AP3M2: variants seen among roughly 807,000 people sequenced by gnomAD.
The protein encoded by AP3M2 is adaptor related protein complex 3 subunit mu 2.
Under a neutral mutation model 41.6 loss-of-function variants are expected in AP3M2, and 28 were observed. The observed-to-expected ratio is 0.67, with a 90% CI of 0.50 to 0.92. AP3M2 has a LOEUF of 0.92. Among genes scored for constraint, AP3M2 ranks in the 40% least tolerant of loss-of-function variants. The pLI, the probability that AP3M2 is intolerant of heterozygous loss-of-function variation, is 0.00. For synonymous variants in AP3M2, 193 were observed against 186.4 expected, an observed-to-expected ratio of 1.04 and a Z score of -0.29; for missense variants, 427 against 521.4, an observed-to-expected ratio of 0.82 and a Z score of 1.76.
At chr8:42,158,843 G>T (rs1258209746) in intron 3 of AP3M2, among the ~76,000 whole-genome samples, 1 of 151,322 alleles carries the variant, frequency 6.6e-6, no homozygotes, top group South Asian at 2.1e-4. Context: ...GCCCAGGATG[G>T]AGTGCAGTGG....
intron 2 of AP3M2, among the ~76,000 whole-genome samples, chr8:42,157,415 A>G (rs905326091): frequency 1.3e-5 from 2 of 152,238 alleles, no homozygotes; most frequent in African/African-American, 4.8e-5. Flanking sequence ...AAATAAAAGG[A>G]CAAAGAGTTC....
intron 3 of AP3M2, 101 bp downstream of exon 3, chr8:42,158,213 C>G: frequency 8.3e-7 from 1 of 1,204,354 alleles, no homozygotes; most frequent in South Asian, 1.5e-5. Context: ...TTGGGGATCT[C>G]AGGTGTCCCA....
rs530052107 is a variant in AP3M2, at chr8:42,159,713, A to G, written c.445+1601A>G. On this transcript the variant is annotated intron_variant, in intron 3 of 8. Transcript: ENST00000396926. The stretch of plus-strand genomic sequence containing the variant: ...GCCACATTTTAAATGTTTTGATTTA[A>G]TCAAATTAATCATTCTTTTCATTAA... 2.4e-4 allele frequency among the ~76,000 whole-genome samples: 37 copies of G among 152,300 alleles called. 1 individual carries two copies. In the South Asian group the frequency reaches 7.7e-3, roughly 32 times the overall value.
chr8:42,163,855 TACATTTTACTGTTTACCTCA>T (rs1357306041), intron 4 of AP3M2, among the ~76,000 whole-genome samples: 3 of 152,212 alleles, frequency 2.0e-5, no homozygotes, highest in African/African-American at 4.8e-5. Flanking sequence ...TTAAGATTTT[TACATTTTACTGTTTACCTCA>T]ACGAAAAAGT....
At chr8:42,156,313 C>T (rs988441837) in intron 2 of AP3M2, among the ~76,000 whole-genome samples, 2 of 152,174 alleles carry the variant, frequency 1.3e-5, no homozygotes, top group African/African-American at 4.8e-5. Flanking sequence ...TCTGAGACTT[C>T]AGAGCTTGTT....
At chr8:42,167,506 T>C in intron 7 of AP3M2, 135 bp downstream of exon 7, 1 of 1,356,624 alleles carries the variant, frequency 7.4e-7, no homozygotes, top group Non-Finnish European at 1.0e-6. Flanking sequence ...CCAGGTAACT[T>C]AACAGTAACA....
chr8:42,164,516 AAG>A (rs1404338634), intron 4 of AP3M2, among the ~76,000 whole-genome samples: 1 of 152,212 alleles, frequency 6.6e-6, no homozygotes, highest in Non-Finnish European at 1.5e-5. Context: ...TGTGCAAAGA[AAG>A]AGAACCTGCC....
intron 3 of AP3M2, among the ~76,000 whole-genome samples, chr8:42,159,769 T>C (rs1263591586): frequency 6.6e-6 from 1 of 152,206 alleles, no homozygotes; most frequent in African/African-American, 2.4e-5. Context: ...GTTTAATGCA[T>C]AAGCAAGCAT....
In AP3M2 at chr8:42,170,798, C is replaced by T. The variant is rs1355224707; in HGVS notation, c.*1737C>T. ...ATCTCTGCCTGTGGATTCTCAAGTACTTGGAAGCACCTCTCCTGAGGAACC... is the reference window on the plus strand; with the variant it reads ...ATCTCTGCCTGTGGATTCTCAAGTATTTGGAAGCACCTCTCCTGAGGAACC... On this transcript the variant is annotated 3_prime_UTR_variant, in exon 9 of 9. Transcript: ENST00000396926. 6.6e-6 allele frequency: 1 copy of T among 152,232 alleles called. No individual in the cohort carries two copies. Among genetic ancestry groups the T allele is most frequent in the African/African-American group, 2.4e-5 (1 of 41,460 alleles). 9.4% of individuals were successfully genotyped at this position (152,232 alleles called of 1,614,324 possible). A position where few individuals can be genotyped will look rare whatever the true frequency, so the allele number is the denominator to read the frequency against.
At chr8:42,166,170 C>T (rs12545125) in intron 6 of AP3M2, among the ~76,000 whole-genome samples, 33,539 of 152,024 alleles carry the variant, frequency 0.22, 4,571 homozygotes, top group Admixed American at 0.3. Context: ...GACTTAAACC[C>T]CATCTTCAGT....
intron 8 of AP3M2, 132 bp from the exon 9 acceptor site, chr8:42,168,829 C>T (rs368106477): frequency 8.1e-6 from 5 of 615,366 alleles, no homozygotes; most frequent in East Asian, 3.0e-5. Context: ...AATCCATCTG[C>T]TCTGCATAAG....
At chr8:42,158,992 A>T (rs958355829) in intron 3 of AP3M2, among the ~76,000 whole-genome samples, 8 of 152,104 alleles carry the variant, frequency 5.3e-5, no homozygotes, top group African/African-American at 1.9e-4. Context: ...ATGGGGTTTC[A>T]TCATGTTGAC....
intron 4 of AP3M2, among the ~76,000 whole-genome samples, 173 bp from the exon 5 acceptor site, chr8:42,164,898 G>T (rs924312599): frequency 2.0e-5 from 3 of 151,984 alleles, no homozygotes; most frequent in Non-Finnish European, 2.9e-5. Context: ...TAGATGGATT[G>T]TATAAATGAA....
intron 2 of AP3M2, among the ~76,000 whole-genome samples, chr8:42,157,393 C>T (rs934101637): frequency 1.3e-5 from 2 of 152,156 alleles, no homozygotes; most frequent in Non-Finnish European, 2.9e-5. Flanking sequence ...TAGCACCTAA[C>T]GTTAGCCTTT....
intron 3 of AP3M2, among the ~76,000 whole-genome samples, chr8:42,161,732 C>T (rs1159037375): frequency 6.6e-6 from 1 of 151,998 alleles, no homozygotes; most frequent in Non-Finnish European, 1.5e-5. Context: ...AAGTTTATGC[C>T]TGTAAAGGAA....
chr8:42,158,047 C>T lies in AP3M2; in HGVS notation c.380C>T (p.Ser127Leu), dbSNP rs1346455028. ...AATGGTTTTCCATTGGCTACCGAGT[C>T]GAACATTCTTAAAGAACTCATAAAG... Reference protein sequence around the residue: ...LDNGFPLATESNILKELIKPP... With the variant: ...LDNGFPLATELNILKELIKPP... Residue 127 changes from serine to leucine, a missense_variant, in exon 3 of 9, where the codon TCG becomes TTG. This residue lies in a region of AP3M2 where 86 missense variants were observed against 142.6 expected (regional missense o/e 0.60). Transcript: ENST00000396926. The T allele has an allele frequency of 5.6e-6, 9 of 1,613,922 alleles. No individual in the cohort carries two copies. The highest frequency in any genetic ancestry group is 1.7e-5 in the Admixed American group (1 of 59,978).
intron 1 of AP3M2, 77 bp from the exon 2 acceptor site, chr8:42,154,539 A>G: frequency 8.8e-7 from 1 of 1,141,856 alleles, no homozygotes; most frequent in Non-Finnish European, 1.2e-6. Context: ...AAAGATGGGT[A>G]AGTCTTGGAC....
At position 42,162,372 on chromosome 8, in the gene AP3M2, C is replaced by T; in HGVS notation, c.537C>T (p.Ala179=). The T allele has an allele frequency of 1.2e-6, 2 of 1,613,010 alleles. No homozygotes were observed. The highest frequency in any genetic ancestry group is 1.7e-6 in the Non-Finnish European group (2 of 1,179,446). The change falls in exon 4 of 9, where the codon GCC becomes GCT. Residue 179 remains alanine, a synonymous_variant. Transcript: ENST00000396926. The part of the protein sequence containing the change: ...RTGVKYTNNE[A]YFDVIEEIDA... ...GGGTGAAATATACCAACAATGAGGC[C>T]TATTTTGATGTGATTGAAGAGATTG...
At chr8:42,165,616 C>T (rs1225957922) in intron 6 of AP3M2, 56 bp downstream of exon 6, 2 of 1,594,036 alleles carry the variant, frequency 1.3e-6, no homozygotes, top group East Asian at 2.2e-5. Flanking sequence ...TATGTGGAAA[C>T]CGTATCTGTG....
Sources: allele counts gnomAD v4.1 joint callset (sites outside exome capture counted in the v4.1 genomes callset), GRCh38; gene constraint gnomAD v4.1.1; regional missense constraint gnomAD v4.1.1; transcripts MANE v1.5; gene names NCBI Gene and HGNC (gene_info 2026-07-23, HGNC 2026-07-21).